UBE2L3: variants seen among roughly 807,000 people sequenced by gnomAD.
The protein encoded by UBE2L3 is ubiquitin-conjugating enzyme E2 L3.
In UBE2L3, 1 loss-of-function variant was observed where a neutral mutation model predicts 17.8. That is an observed-to-expected ratio of 0.06 (90% confidence interval 0.02 to 0.27). The LOEUF is 0.27. UBE2L3 is among the 10% of genes least tolerant of loss of function. UBE2L3 has a pLI of 1.00. For synonymous variants in UBE2L3, 44 were observed against 68.5 expected (o/e 0.64, Z 1.76); for missense variants, 40 against 192.6 (o/e 0.21, Z 4.69).
At chr22:21,586,226 C>G (rs1202381867) in intron 1 of UBE2L3, among the ~76,000 whole-genome samples, 1 of 152,058 alleles carries the variant, frequency 6.6e-6, no homozygotes, top group Non-Finnish European at 1.5e-5. Flanking sequence ...CGGGTGTGAG[C>G]CACCGCCCCT....
chr22:21,592,844 G>T lies in UBE2L3; in HGVS notation c.28-17G>T, dbSNP rs1470944867. ...TTTCCCCTATTTGACACCCCTTTATGCTTTGTCAATCAACAGGAGCTTGAA... is the reference window on the plus strand; with the variant it reads ...TTTCCCCTATTTGACACCCCTTTATTCTTTGTCAATCAACAGGAGCTTGAA... On this transcript the variant is annotated splice_polypyrimidine_tract_variant and intron_variant, in intron 1 of 3. Transcript: ENST00000342192. 2.5e-6 allele frequency: 4 copies of T among 1,604,338 alleles called. No homozygotes were observed. Among genetic ancestry groups the T allele is most frequent in the South Asian group, 1.1e-5 (1 of 90,822 alleles).
upstream of UBE2L3, among the ~76,000 whole-genome samples, chr22:21,565,327 CG>C (rs1389539689): frequency 1.3e-5 from 2 of 151,568 alleles, no homozygotes; most frequent in African/African-American, 4.8e-5. Flanking sequence ...CTCCTGACCT[CG>C]TGATCCACCC....
chr22:21,607,880 A>G (rs1929262186), intron 2 of UBE2L3, among the ~76,000 whole-genome samples: 1 of 152,142 alleles, frequency 6.6e-6, no homozygotes, highest in Non-Finnish European at 1.5e-5. Context: ...CTACCCTGGG[A>G]AGATTGAGCT....
At chr22:21,581,802 A>G (rs1409190405) in intron 1 of UBE2L3, among the ~76,000 whole-genome samples, 1 of 148,906 alleles carries the variant, frequency 6.7e-6, no homozygotes, top group Non-Finnish European at 1.5e-5. Context: ...AACTGTCTCA[A>G]AAAAAAAAGA....
At chr22:21,577,511 A>G (rs1927380888) in intron 1 of UBE2L3, among the ~76,000 whole-genome samples, 2 of 152,110 alleles carry the variant, frequency 1.3e-5, no homozygotes, top group Admixed American at 6.5e-5. Flanking sequence ...AGAATTCCAG[A>G]GCTGTGTGAG....
At chr22:21,564,504 C>T (rs537645663), upstream of UBE2L3, among the ~76,000 whole-genome samples, 1 of 152,298 alleles carries the variant, frequency 6.6e-6, no homozygotes, top group East Asian at 1.9e-4. Context: ...TCCACTGGGA[C>T]TGGGTACATT....
rs539408883 is a variant in UBE2L3, at chr22:21,608,197, A to G, written c.124-2660A>G. On this transcript the variant is annotated intron_variant, in intron 2 of 3. Coordinates refer to ENST00000342192, the MANE Select transcript of UBE2L3 (RefSeq NM_003347.4). ...CGCTCTTTCCTGGTGGGAATGCAAA[A>G]TGGTGCAGCCACCTTGGAAGACAAG... Among the ~76,000 whole-genome samples, 8 of 152,304 alleles carry G rather than the reference A, an allele frequency of 5.3e-5. No individual in the cohort carries two copies. In the South Asian group the frequency reaches 1.5e-3, roughly 28 times the overall value.
chr22:21,583,224 C>T (rs140331099), intron 1 of UBE2L3, among the ~76,000 whole-genome samples: 13 of 152,314 alleles, frequency 8.5e-5, no homozygotes, highest in East Asian at 3.9e-4. Flanking sequence ...TGTCTTCCCC[C>T]GTCTTTCAAG....
intron 3 of UBE2L3, 56 bp from the exon 4 acceptor site, chr22:21,621,459 C>T: frequency 6.5e-7 from 1 of 1,530,512 alleles, no homozygotes; most frequent in South Asian, 1.3e-5. Context: ...CTGCCTCTTG[C>T]CTGTGCCATT....
upstream of UBE2L3, among the ~76,000 whole-genome samples, chr22:21,562,769 T>C (rs1481757370): frequency 6.9e-6 from 1 of 145,278 alleles, no homozygotes; most frequent in African/African-American, 2.6e-5. Context: ...CCTCCCAAGG[T>C]GCTGGGATTA....
At chr22:21,572,688 A>G (rs1927047620) in intron 1 of UBE2L3, among the ~76,000 whole-genome samples, 1 of 152,094 alleles carries the variant, frequency 6.6e-6, no homozygotes, top group African/African-American at 2.4e-5. Flanking sequence ...TGTGCACATT[A>G]GAGAGCCACA....
Position 21,614,172 on chromosome 22 carries a change from G to T in UBE2L3, c.310+3129G>T, listed in dbSNP as rs547477214. On this transcript the variant is annotated intron_variant, in intron 3 of 3. Transcript: ENST00000342192. ...CTCCCACCTGCCTGATTCTTCATAT[G>T]TTGGGTGTCCCTGTTTTTCTGGTGC... Among the ~76,000 whole-genome samples, 193 of 152,304 alleles carry T rather than the reference G, an allele frequency of 1.3e-3. 2 individuals carry two copies. The highest frequency in any genetic ancestry group is 4.5e-3 in the African/African-American group (189 of 41,566).
intron 1 of UBE2L3, among the ~76,000 whole-genome samples, chr22:21,580,146 G>A (rs778593970): frequency 1.3e-5 from 2 of 152,216 alleles, no homozygotes; most frequent in Admixed American, 6.5e-5. Flanking sequence ...TGCTCTGTCC[G>A]TTTCTAATGG....
chr22:21,591,665 T>C (rs2148421501), intron 1 of UBE2L3, among the ~76,000 whole-genome samples: 1 of 152,242 alleles, frequency 6.6e-6, no homozygotes, highest in Middle Eastern at 3.4e-3. Flanking sequence ...AAGGATCTTT[T>C]GGGCTTGATG....
At chr22:21,583,633 A>C (rs1204414194) in intron 1 of UBE2L3, among the ~76,000 whole-genome samples, 9 of 152,170 alleles carry the variant, frequency 5.9e-5, no homozygotes, top group African/African-American at 1.7e-4. Context: ...TGCCCAGTGC[A>C]GGTGGCTTCT....
chr22:21,618,580 AAT>A (rs547915475), intron 3 of UBE2L3, among the ~76,000 whole-genome samples: 1 of 150,766 alleles, frequency 6.6e-6, no homozygotes, highest in Non-Finnish European at 1.5e-5. Flanking sequence ...CATCTCAAAA[AAT>A]ATATATATAT....
intron 1 of UBE2L3, among the ~76,000 whole-genome samples, chr22:21,558,916 C>G (rs1044456826): frequency 1.3e-5 from 2 of 151,932 alleles, no homozygotes; most frequent in African/African-American, 4.8e-5. Context: ...CAGAGGCAGA[C>G]AGGCCAGATG....
intron 1 of UBE2L3, among the ~76,000 whole-genome samples, chr22:21,573,557 G>A (rs560394175): frequency 1.3e-5 from 2 of 152,176 alleles, no homozygotes; most frequent in East Asian, 1.9e-4. Flanking sequence ...ATGGCTTGCA[G>A]GAGAGGGAAA....
At chr22:21,576,295 G>GT (rs899604359) in intron 1 of UBE2L3, among the ~76,000 whole-genome samples, 63 of 144,248 alleles carry the variant, frequency 4.4e-4, no homozygotes, top group South Asian at 2.0e-3. Context: ...TTGCATTTTT[G>GT]TTTTTTTTTG....
Sources: gnomAD v4.1 joint callset for allele counts (sites outside exome capture counted in the v4.1 genomes callset) on GRCh38, gnomAD v4.1.1 for gene constraint, MANE v1.5 for transcripts, NCBI Gene and HGNC (gene_info 2026-07-23, HGNC 2026-07-21) for gene names.